FOXN2: variants seen among roughly 807,000 people sequenced by gnomAD.
FOXN2 encodes the protein forkhead box protein N2.
A neutral mutation model predicts 41.2 loss-of-function variants in FOXN2; 19 were observed. That is an observed-to-expected ratio of 0.46 (90% CI 0.32 to 0.68). The LOEUF (loss-of-function observed/expected upper bound fraction) is 0.68. Ranked by LOEUF, FOXN2 falls within the 30% of genes least tolerant of loss-of-function variation. The pLI is 0.03. For synonymous variants in FOXN2, 195 were observed against 176.8 expected (o/e 1.10, Z -0.82); for missense variants, 587 against 509.4 (o/e 1.15, Z -1.47).
At chr2:48,336,753 A>G (rs1486819378) in intron 2 of FOXN2, among the ~76,000 whole-genome samples, 2 of 152,124 alleles carry the variant, frequency 1.3e-5, no homozygotes, top group African/African-American at 4.8e-5. Context: ...TAGAGACTAC[A>G]AGGAAACAAA....
Position 48,375,180 on chromosome 2 carries a change from G to A in FOXN2, c.1033G>A (p.Glu345Lys), listed in dbSNP as rs1157335974. 1.2e-6 allele frequency: 2 copies of A among 1,614,064 alleles called. No individual in the cohort carries two copies. The highest frequency in any genetic ancestry group is 1.3e-5 in the African/African-American group (1 of 74,934). Residue 345 changes from glutamate to lysine, a missense_variant, in exon 7 of 7, where the codon GAA (glutamate) becomes AAA (lysine). Transcript: ENST00000340553. Reference protein sequence around the residue: ...KNSHVGSDGSEGFHSEEDTDV... With the variant: ...KNSHVGSDGSKGFHSEEDTDV... ...TAGTCACGTGGGAAGTGATGGCAGT[G>A]AAGGATTTCACAGTGAAGAAGATAC...
chr2:48,319,110 G>C (rs1418583254), intron 1 of FOXN2, among the ~76,000 whole-genome samples: 2 of 150,736 alleles, frequency 1.3e-5, no homozygotes, highest in Non-Finnish European at 2.9e-5. Flanking sequence ...TTGCCTTCTT[G>C]CTAGTGTTTT....
rs1315703050 is a variant in FOXN2 at position 48,314,784 on chromosome 2, G to C, written c.-187G>C. 1 of 152,210 alleles carries C rather than the reference G, an allele frequency of 6.6e-6. No homozygotes were observed. The highest frequency in any genetic ancestry group is 2.4e-5 in the African/African-American group (1 of 41,444). 9.4% of individuals were successfully genotyped at this position (152,210 alleles called of 1,614,324 possible). A position where few individuals can be genotyped will look rare whatever the true frequency, so the allele number is the denominator to read the frequency against. Reference sequence around the variant, plus strand: ...GCTCTGCCATATTGTGTCTTCCCCGGCCGGTCCCTCGCCTCCCGGCCGAGC... The same window carrying C: ...GCTCTGCCATATTGTGTCTTCCCCGCCCGGTCCCTCGCCTCCCGGCCGAGC... On this transcript the variant is annotated 5_prime_UTR_variant, in exon 1 of 7. Coordinates refer to ENST00000340553, the MANE Select transcript of FOXN2 (RefSeq NM_002158.4).
chr2:48,346,331 T>C lies in FOXN2; in HGVS notation c.117T>C (p.Ala39=), dbSNP rs1208603685. 6.2e-7 allele frequency: 1 copy of C among 1,614,238 alleles called. No individual in the cohort carries two copies. Among genetic ancestry groups the C allele is most frequent in the Admixed American group, 1.7e-5 (1 of 60,026 alleles). Residue 39 remains alanine, a synonymous_variant, in exon 3 of 7, where the codon GCT becomes GCC. Coordinates refer to ENST00000340553, the MANE Select transcript of FOXN2 (RefSeq NM_002158.4). The stretch of plus-strand genomic sequence containing the variant: ...GAAGCTTGCCTGAAGCTGTTGATGC[T>C]GCCAGGCCGAAGGCCACTCTAGTGG... The part of the protein sequence containing the change: ...KMGSLPEAVD[A]ARPKATLVDS...
chr2:48,337,597 C>T (rs1304914079), intron 2 of FOXN2, among the ~76,000 whole-genome samples: 3 of 151,942 alleles, frequency 2.0e-5, no homozygotes, highest in African/African-American at 7.3e-5. Context: ...TGAGCCACCA[C>T]GCCTGGCCTG....
chr2:48,362,537 C>T (rs1672256698), intron 4 of FOXN2, 106 bp from the exon 5 acceptor site: 1 of 920,822 alleles, frequency 1.1e-6, no homozygotes, highest in African/African-American at 1.6e-5. Context: ...CCACTGCACT[C>T]CAGCCTGGGC....
intron 4 of FOXN2, 55 bp downstream of exon 4, chr2:48,359,202 G>A (rs1280105733): frequency 1.6e-6 from 2 of 1,258,780 alleles, no homozygotes; most frequent in African/African-American, 3.0e-5. Flanking sequence ...CACTGTGTGA[G>A]ATGGAGAAAC....
At chr2:48,314,522 G>A (rs1239949516), upstream of FOXN2, 1 of 152,370 alleles carries the variant, frequency 6.6e-6, no homozygotes, top group Admixed American at 6.5e-5. Flanking sequence ...GGCGGGAACC[G>A]GGAGGGGCCG....
chr2:48,329,846 C>T (rs9967728), intron 2 of FOXN2, among the ~76,000 whole-genome samples: 148,422 of 152,028 alleles, frequency 0.98, 72,659 homozygotes, highest in Middle Eastern at 1. Context: ...CCTTTTTTTT[C>T]CTTACATGAG....
At chr2:48,322,104 C>G (rs1669365609) in intron 1 of FOXN2, among the ~76,000 whole-genome samples, 1 of 152,058 alleles carries the variant, frequency 6.6e-6, no homozygotes, top group Admixed American at 6.6e-5. Context: ...TGCCACCACG[C>G]CTAGCTAATT....
chr2:48,359,032 T>G lies in FOXN2; in HGVS notation c.538-15T>G. On this transcript the variant is annotated splice_polypyrimidine_tract_variant and intron_variant, in intron 3 of 6. Transcript: ENST00000340553. ...GTATAAAAGTTCCTAGTTATTCTTG[T>G]GCATTTTATTCTAGGTTAATGGAAA... is the stretch of plus-strand genomic sequence containing the variant. 1 of 1,586,276 alleles carries G rather than the reference T, an allele frequency of 6.3e-7. No homozygotes were observed. The highest frequency in any genetic ancestry group is 1.3e-5 in the African/African-American group (1 of 74,226).
chr2:48,331,653 A>G (rs970381501), intron 2 of FOXN2, among the ~76,000 whole-genome samples: 1 of 152,078 alleles, frequency 6.6e-6, no homozygotes, highest in Admixed American at 6.6e-5. Flanking sequence ...CGCTGCCTCT[A>G]CAGAAATAAG....
chr2:48,321,161 C>G (rs1048359919), intron 1 of FOXN2, among the ~76,000 whole-genome samples: 7 of 152,018 alleles, frequency 4.6e-5, no homozygotes, highest in African/African-American at 1.7e-4. Context: ...TGAGTTCTGC[C>G]AACAAGGATT....
At chr2:48,362,540 G>A in intron 4 of FOXN2, 103 bp from the exon 5 acceptor site, 2 of 947,224 alleles carry the variant, frequency 2.1e-6, no homozygotes, top group East Asian at 2.6e-5. Context: ...CTGCACTCCA[G>A]CCTGGGCGGC....
chr2:48,332,154 C>A (rs1393125731), intron 2 of FOXN2, among the ~76,000 whole-genome samples: 1 of 152,022 alleles, frequency 6.6e-6, no homozygotes, highest in African/African-American at 2.4e-5. Context: ...ACATTTGTTG[C>A]TGTGTCTTTT....
At chr2:48,345,967 T>C (rs533556176) in intron 2 of FOXN2, among the ~76,000 whole-genome samples, 34 of 152,314 alleles carry the variant, frequency 2.2e-4, no homozygotes, top group African/African-American at 8.2e-4. Flanking sequence ...ATATCACCCA[T>C]ACACCTGGTC....
chr2:48,351,258 G>A (rs115392833), intron 3 of FOXN2, among the ~76,000 whole-genome samples: 2,227 of 150,790 alleles, frequency 0.015, 62 homozygotes, highest in African/African-American at 0.049. Flanking sequence ...CACTGCACTC[G>A]GCCAAAGTTG....
At chr2:48,361,766 T>C (rs555171532) in intron 4 of FOXN2, among the ~76,000 whole-genome samples, 1 of 152,200 alleles carries the variant, frequency 6.6e-6, no homozygotes, top group Non-Finnish European at 1.5e-5. Flanking sequence ...CCCAAAAATA[T>C]TTTAATTCCT....
chr2:48,340,241 G>T (rs1000322315), intron 2 of FOXN2, among the ~76,000 whole-genome samples: 8 of 152,158 alleles, frequency 5.3e-5, no homozygotes, highest in African/African-American at 1.9e-4. Flanking sequence ...CTAATTCTCT[G>T]TAATGCAGCA....
Sources: gnomAD v4.1 joint callset for allele counts (sites outside exome capture counted in the v4.1 genomes callset) on GRCh38, gnomAD v4.1.1 for gene constraint, MANE v1.5 for transcripts, NCBI Gene and HGNC (gene_info 2026-07-23, HGNC 2026-07-21) for gene names.